Variants in SPECC1 observed in about 807,000 individuals in gnomAD.
SPECC1 encodes sperm antigen with calponin homology and coiled-coil domains 1.
A neutral mutation model predicts 104.1 loss-of-function variants in SPECC1; 62 were observed. The observed-to-expected ratio is 0.60, with a 90% CI of 0.49 to 0.74. The LOEUF is 0.74. Among genes scored for constraint, SPECC1 ranks in the 30% least tolerant of loss-of-function variants. The pLI is 0.00. For missense variants in SPECC1, 1,306 were observed against 1,310.5 expected, an observed-to-expected ratio of 1.00 and a Z score of 0.05; for synonymous variants, 513 against 501.6, an observed-to-expected ratio of 1.02 and a Z score of -0.30.
At chr17:20,306,179 GT>G (rs2041758731) in intron 14 of SPECC1, 97 bp downstream of exon 14, 1 of 1,197,784 alleles carries the variant, frequency 8.3e-7, no homozygotes, top group South Asian at 1.3e-5. Flanking sequence ...ATTGACATCT[GT>G]TTGCCGAAAG....
chr17:20,169,700 G>T (rs917318215), intron 3 of SPECC1, among the ~76,000 whole-genome samples: 1 of 152,068 alleles, frequency 6.6e-6, no homozygotes, highest in Non-Finnish European at 1.5e-5. Context: ...ACAGGGGCTT[G>T]CTCTGTTGTT....
intron 1 of SPECC1, chr17:20,017,039 G>A (rs368013428): frequency 5.3e-5 from 8 of 152,340 alleles, no homozygotes; most frequent in Middle Eastern, 3.4e-3. Flanking sequence ...TGGACCAATC[G>A]GTTCTCTGTA....
intron 3 of SPECC1, among the ~76,000 whole-genome samples, chr17:20,165,323 C>A (rs1005054413): frequency 6.6e-6 from 1 of 152,038 alleles, no homozygotes; most frequent in Admixed American, 6.6e-5. Flanking sequence ...TTTTCTGTTC[C>A]TGTGTTAGTT....
intron 3 of SPECC1, among the ~76,000 whole-genome samples, chr17:20,136,931 A>G (rs1233471035): frequency 6.6e-6 from 1 of 152,132 alleles, no homozygotes; most frequent in East Asian, 1.9e-4. Flanking sequence ...GTTTCCTTGG[A>G]CTTTAGTTTC....
chr17:20,019,957 A>G (rs2044307765), intron 1 of SPECC1, among the ~76,000 whole-genome samples: 1 of 152,220 alleles, frequency 6.6e-6, no homozygotes, highest in South Asian at 2.1e-4. Context: ...TCCTTGAGGA[A>G]TGAACAGTAA....
At chr17:20,059,685 G>A (rs8068440) in intron 1 of SPECC1, among the ~76,000 whole-genome samples, 117 of 152,264 alleles carry the variant, frequency 7.7e-4, no homozygotes, top group African/African-American at 2.6e-3. Context: ...AAAGGTGCTA[G>A]TGAGATCCCA....
Position 20,204,807 on chromosome 17 carries a change from A to C in SPECC1, c.758A>C (p.Lys253Thr). 1 of 1,614,100 alleles carries C rather than the reference A, an allele frequency of 6.2e-7. No homozygotes were observed. ...LEEENRVLKE[K>T]LIYLEHSPNS... ...GAAGAAAACCGGGTCCTGAAGGAGA[A>C]ACTGATCTATCTTGAGCACTCCCCA... The change falls in exon 4 of 15, where the codon AAA becomes ACA. Residue 253 changes from lysine to threonine, a missense_variant. Lys to Thr is a moderately conservative substitution (Grantham distance 78, BLOSUM62 -1). Transcript: ENST00000395527.
chr17:20,306,185 C>A, intron 14 of SPECC1, 103 bp downstream of exon 14: 2 of 1,112,240 alleles, frequency 1.8e-6, no homozygotes, highest in South Asian at 1.4e-5. Flanking sequence ...ATCTGTTTGC[C>A]GAAAGTCTGT....
chr17:20,239,153 A>G (rs1222835387), intron 7 of SPECC1: 1 of 1,027,282 alleles, frequency 9.7e-7, no homozygotes, highest in Non-Finnish European at 1.2e-6. Flanking sequence ...CTCAGAAAAT[A>G]TAGCATGGAC....
At chr17:20,076,013 C>A (rs1033783731) in intron 1 of SPECC1, among the ~76,000 whole-genome samples, 2 of 151,870 alleles carry the variant, frequency 1.3e-5, no homozygotes, top group Admixed American at 6.6e-5. Flanking sequence ...GCCTGCAGTC[C>A]CAGCTACTCC....
At chr17:20,066,335 G>C (rs907243692) in intron 1 of SPECC1, among the ~76,000 whole-genome samples, 1 of 152,170 alleles carries the variant, frequency 6.6e-6, no homozygotes, top group Non-Finnish European at 1.5e-5. Flanking sequence ...TGTTTTCCAA[G>C]AGCAAACAGA....
At chr17:20,088,289 T>C (rs116931301) in intron 1 of SPECC1, among the ~76,000 whole-genome samples, 2,619 of 152,270 alleles carry the variant, frequency 0.017, 29 homozygotes, top group Admixed American at 0.026. Flanking sequence ...AAATTTACCA[T>C]CTTAACCATT....
intron 13 of SPECC1, among the ~76,000 whole-genome samples, chr17:20,300,873 A>G (rs972043369): frequency 1.3e-5 from 2 of 152,260 alleles, no homozygotes; most frequent in African/African-American, 4.8e-5. Flanking sequence ...AGTCTGAGTC[A>G]GCCCTGGATG....
At chr17:20,094,736 A>G (rs1010728943) in intron 1 of SPECC1, among the ~76,000 whole-genome samples, 2 of 151,642 alleles carry the variant, frequency 1.3e-5, no homozygotes, top group African/African-American at 2.4e-5. Context: ...AGTAGCTGGG[A>G]CTACAGGTGT....
At chr17:20,195,560 ATT>A (rs35368324) in intron 3 of SPECC1, among the ~76,000 whole-genome samples, 67 of 140,338 alleles carry the variant, frequency 4.8e-4, no homozygotes, top group South Asian at 2.3e-3. Flanking sequence ...ATAAAACCCA[ATT>A]TTTTTTTTTT....
chr17:20,283,995 A>T (rs2040861424), intron 12 of SPECC1, among the ~76,000 whole-genome samples: 1 of 152,122 alleles, frequency 6.6e-6, no homozygotes, highest in Non-Finnish European at 1.5e-5. Context: ...AGATTTCTTA[A>T]TCCTTTCCTT....
chr17:20,239,288 GA>G, intron 7 of SPECC1: 1 of 1,013,456 alleles, frequency 9.9e-7, no homozygotes, highest in Non-Finnish European at 1.2e-6. Flanking sequence ...GACGTGTGAA[GA>G]AAAATATTAA....
At chr17:20,068,938 A>G (rs978064100) in intron 1 of SPECC1, among the ~76,000 whole-genome samples, 2 of 152,074 alleles carry the variant, frequency 1.3e-5, no homozygotes, top group African/African-American at 4.8e-5. Context: ...GATTTCTCCC[A>G]TTCTGTGGGT....
intron 1 of SPECC1, among the ~76,000 whole-genome samples, chr17:20,069,700 C>G (rs2046478664): frequency 6.6e-6 from 1 of 152,094 alleles, no homozygotes; most frequent in South Asian, 2.1e-4. Context: ...ATATGACTGT[C>G]TTACATGGAC....
Sources: allele counts gnomAD v4.1 joint callset (sites outside exome capture counted in the v4.1 genomes callset), GRCh38; gene constraint gnomAD v4.1.1; transcripts MANE v1.5; gene names NCBI Gene and HGNC (gene_info 2026-07-23, HGNC 2026-07-21).